The following ZBTB45 variants were observed in gnomAD, a reference collection of about 807,000 sequenced individuals.
ZBTB45 encodes zinc finger and BTB domain containing 45, also known as zinc finger and BTB domain-containing protein 45.
A neutral mutation model predicts 28.4 loss-of-function variants in ZBTB45; 22 were observed. The observed-to-expected ratio is 0.77, with a 90% CI of 0.55 to 1.10. The LOEUF (loss-of-function observed/expected upper bound fraction) is 1.10. ZBTB45 is among the 50% of genes least tolerant of loss of function. The pLI is 0.00. For missense variants in ZBTB45, 656 were observed against 750.2 expected (o/e 0.87, Z 1.47); for synonymous variants, 361 against 332.3 (o/e 1.09, Z -0.94).
chr19:58,517,952 T>G (rs1331303721), intron 1 of ZBTB45, among the ~76,000 whole-genome samples: 1 of 151,478 alleles, frequency 6.6e-6, no homozygotes, highest in Non-Finnish European at 1.5e-5. Context: ...GGTGTTGGCC[T>G]CAATCACTGC....
In ZBTB45 at chr19:58,517,619, G is replaced by T; in HGVS notation, c.55C>A (p.Leu19Met). Residue 19 changes from leucine to methionine, a missense_variant, in exon 2 of 3, where the codon CTG becomes ATG. This residue lies in a region of ZBTB45 where 105 missense variants were observed against 152.4 expected (regional missense o/e 0.69). Coordinates refer to ENST00000594051, the MANE Select transcript of ZBTB45 (RefSeq NM_001316979.2). ...CTCTGCCCATTGAGGGTCTCAAGCA[G>T]AGAGCGTGAGAAGTTCTGCAGGTGT... ...HIHLQNFSRSLLETLNGQRLG... is the reference protein window; with the variant it reads ...HIHLQNFSRSMLETLNGQRLG... 6.2e-7 allele frequency: 1 copy of T among 1,613,942 alleles called. No homozygotes were observed. Among genetic ancestry groups the T allele is most frequent in the Non-Finnish European group, 8.5e-7 (1 of 1,179,964 alleles).
chr19:58,530,847 C>G (rs1218274268), intron 1 of ZBTB45, among the ~76,000 whole-genome samples: 3 of 152,016 alleles, frequency 2.0e-5, no homozygotes, highest in Non-Finnish European at 4.4e-5. Flanking sequence ...CCACGCCTGG[C>G]TAATTTTTTG....
Position 58,514,387 on chromosome 19 carries a change from T to C in ZBTB45, c.1280-77A>G, listed in dbSNP as rs1404133402. ...GCCCCCACCCCACCCCACCCCCACC[T>C]GGGCTCCTGGACCTAGCAGGGGCTC... is the stretch of plus-strand genomic sequence containing the variant. On this transcript the variant is annotated intron_variant, in intron 2 of 2. Coordinates refer to ENST00000594051, the MANE Select transcript of ZBTB45 (RefSeq NM_001316979.2). The C allele has an allele frequency of 8.0e-5, 68 of 849,544 alleles. No individual in the cohort carries two copies. In the East Asian group the frequency reaches 2.5e-3, roughly 31 times the overall value. 52.6% of individuals were successfully genotyped at this position (849,544 alleles called of 1,614,324 possible).
At chr19:58,531,546 A>G (rs892291462) in intron 1 of ZBTB45, among the ~76,000 whole-genome samples, 1 of 152,186 alleles carries the variant, frequency 6.6e-6, no homozygotes, top group Non-Finnish European at 1.5e-5. Flanking sequence ...AAATTCTAGC[A>G]TCTAATTATC....
intron 1 of ZBTB45, among the ~76,000 whole-genome samples, chr19:58,537,004 G>A (rs1189336378): frequency 6.6e-6 from 1 of 152,146 alleles, no homozygotes; most frequent in Non-Finnish European, 1.5e-5. Context: ...TGACTGCTCT[G>A]CCGGGCCACC....
At chr19:58,525,112 C>T (rs144073332) in intron 1 of ZBTB45, among the ~76,000 whole-genome samples, 328 of 152,246 alleles carry the variant, frequency 2.2e-3, no homozygotes, top group Middle Eastern at 0.014. Context: ...CAGAACCTCT[C>T]GGCTGTGCCT....
At chr19:58,521,566 T>C (rs1233117739), upstream of ZBTB45, among the ~76,000 whole-genome samples, 1 of 152,070 alleles carries the variant, frequency 6.6e-6, no homozygotes, top group Non-Finnish European at 1.5e-5. Flanking sequence ...GCTTCTGACC[T>C]ATGGAATGGT....
rs1329895379 is a variant in ZBTB45 at position 58,517,530 on chromosome 19, G to C, written c.144C>G (p.Arg48=). 4.3e-6 allele frequency: 7 copies of C among 1,613,460 alleles called. No individual in the cohort carries two copies. Among genetic ancestry groups the C allele is most frequent in the Non-Finnish European group, 5.9e-6 (7 of 1,179,984 alleles). The change falls in exon 2 of 3, where the codon CGC becomes CGG. Residue 48 remains arginine, a synonymous_variant. Coordinates refer to ENST00000594051, the MANE Select transcript of ZBTB45 (RefSeq NM_001316979.2). ...RIREASLRAH[R]CVLAAGSPFF... is the part of the protein sequence containing the mutation. Reference sequence around the variant, plus strand: ...AGGGTGAGCCGGCCGCCAGCACGCAGCGGTGGGCACGCAGCGAAGCTTCAC... The same window carrying C: ...AGGGTGAGCCGGCCGCCAGCACGCACCGGTGGGCACGCAGCGAAGCTTCAC...
upstream of ZBTB45, among the ~76,000 whole-genome samples, chr19:58,521,366 C>CAAAAAAAA (rs1180915172): frequency 5.3e-5 from 5 of 93,784 alleles, no homozygotes; most frequent in Non-Finnish European, 6.2e-5. Flanking sequence ...CACTCAGTCT[C>CAAAAAAAA]AAAAAAAAAA....
In ZBTB45 at chr19:58,517,350, C is replaced by T. The variant is rs750611018; in HGVS notation, c.324G>A (p.Val108=). The change falls in exon 2 of 3, where the codon GTG becomes GTA. Residue 108 remains valine, a synonymous_variant. Transcript: ENST00000594051. ...CGTCGATAACTGTCTGTATGCGAAG[C>T]ACTGACGCGGCCGTGAGCACCTGCA... ...EALQVLTAAS[V]LRIQTVIDEC... 4 of 1,611,976 alleles carry T rather than the reference C, an allele frequency of 2.5e-6. No homozygotes were observed. Among genetic ancestry groups the T allele is most frequent in the East Asian group, 2.2e-5 (1 of 44,878 alleles).
Position 58,514,201 on chromosome 19 carries a change from G to A in ZBTB45, c.1389C>T (p.Val463=). ...TCTTCTGCGTGAAGCGCTTGGCGCA[G>A]ACGGCGCACTGGAAGGCGCGCACGC... ...HTGVRAFQCA[V]CAKRFTQKSS... is the part of the protein sequence containing the mutation. Residue 463 remains valine (V), a synonymous_variant, in exon 3 of 3, where the codon GTC becomes GTT. Coordinates refer to ENST00000594051, the MANE Select transcript of ZBTB45 (RefSeq NM_001316979.2). 6.2e-7 allele frequency: 1 copy of A among 1,612,724 alleles called. No homozygotes were observed. The highest frequency in any genetic ancestry group is 2.2e-5 in the East Asian group (1 of 44,870).
intron 2 of ZBTB45, among the ~76,000 whole-genome samples, chr19:58,514,665 T>C (rs1053568802): frequency 1.3e-5 from 2 of 152,086 alleles, no homozygotes; most frequent in African/African-American, 4.8e-5. Flanking sequence ...GCAAGCACCC[T>C]GTCTGCAAGG....
upstream of ZBTB45, among the ~76,000 whole-genome samples, chr19:58,524,799 C>T (rs922421287): frequency 2.6e-5 from 4 of 151,134 alleles, no homozygotes; most frequent in Non-Finnish European, 4.4e-5. Flanking sequence ...AGGAGAATGG[C>T]GTGAACCTGG....
At position 58,514,251 on chromosome 19, in the gene ZBTB45, G is replaced by A; in HGVS notation, c.1339C>T (p.Leu447Phe). ...CCGGTGTGCGTGACCATGTGTTTGA[G>A]CAGGTAGTCGCGTAGAGAGAAGGAT... is the stretch of plus-strand genomic sequence containing the variant. ...WRSFSLRDYL[L>F]KHMVTHTGVR... Residue 447 changes from leucine to phenylalanine, a missense_variant, in exon 3 of 3, where the codon CTC becomes TTC. Physicochemically the swap from Leu to Phe is conservative, Grantham distance 22. Transcript: ENST00000594051. The A allele has an allele frequency of 6.2e-7, 1 of 1,611,986 alleles. No individual in the cohort carries two copies. Among genetic ancestry groups the A allele is most frequent in the Non-Finnish European group, 8.5e-7 (1 of 1,179,234 alleles).
Position 58,516,316 on chromosome 19 carries a change from TG to T in ZBTB45, c.1279+78del, listed in dbSNP as rs938995591. ...AAGTAACAGAACAGTGCCAGTGCCC[TG>T]TAACTAGTGCTCAATTCCCCCTCAG... is the stretch of plus-strand genomic sequence containing the variant. On this transcript the variant is annotated intron_variant, in intron 2 of 2. Transcript: ENST00000594051. This position sits in a 1 kb window ranked among gnomAD's most constrained non-coding sequence, Gnocchi z 6.2. The T allele has an allele frequency of 2.8e-5, 43 of 1,556,918 alleles. No homozygotes were observed. Among genetic ancestry groups the T allele is most frequent in the Admixed American group, 7.1e-5 (4 of 56,346 alleles).
At position 58,516,659 on chromosome 19, in the gene ZBTB45, G is replaced by A. The variant is rs757753001; in HGVS notation, c.1015C>T (p.Pro339Ser). Reference sequence around the variant, plus strand: ...GAAGGGGGTGGTGCGGGTGGCCCAGGGGCACCCAAGTGAAAGGGGAAGAGT... The same window carrying A: ...GAAGGGGGTGGTGCGGGTGGCCCAGAGGCACCCAAGTGAAAGGGGAAGAGT... ...VALFPFHLGA[P>S]GPPAPPPSAP... The change falls in exon 2 of 3, where the codon CCT becomes TCT. Residue 339 changes from proline (P) to serine (S), a missense_variant. Coordinates refer to ENST00000594051, the MANE Select transcript of ZBTB45 (RefSeq NM_001316979.2). This position sits in a 1 kb window ranked among gnomAD's most constrained non-coding sequence, Gnocchi z 6.2. 3.2e-6 allele frequency: 5 copies of A among 1,564,404 alleles called. No individual in the cohort carries two copies. The highest frequency in any genetic ancestry group is 2.2e-5 in the East Asian group (1 of 44,468).
intron 1 of ZBTB45, among the ~76,000 whole-genome samples, chr19:58,518,549 G>A (rs549658605): frequency 4.7e-4 from 72 of 152,198 alleles, no homozygotes; most frequent in Non-Finnish European, 9.3e-4. Flanking sequence ...TTGAGCAGGG[G>A]TGTGTGACTG....
At position 58,514,063 on chromosome 19, in the gene ZBTB45, A is replaced by G; in HGVS notation, c.1527T>C (p.Pro509=). Residue 509 remains proline (P), a synonymous_variant, in exon 3 of 3, where the codon CCT becomes CCC. Transcript: ENST00000594051. ...CCAGGCCCCAGCGCCATCAGGGCGCAGGGTGCGCCGCCAGGTGGCGCTCCA... is the reference window on the plus strand; with the variant it reads ...CCAGGCCCCAGCGCCATCAGGGCGCGGGGTGCGCCGCCAGGTGGCGCTCCA... ...ALLERHLAAH[P]AP 1.3e-6 allele frequency: 2 copies of G among 1,487,960 alleles called. No homozygotes were observed. Among genetic ancestry groups the G allele is most frequent in the East Asian group, 2.5e-5 (1 of 40,006 alleles). 92.2% of individuals were successfully genotyped at this position (1,487,960 alleles called of 1,614,324 possible).
intron 1 of ZBTB45, among the ~76,000 whole-genome samples, chr19:58,530,507 T>C (rs1038055787): frequency 2.6e-5 from 4 of 151,674 alleles, no homozygotes; most frequent in African/African-American, 7.3e-5. Context: ...GGTTTCTCCA[T>C]GTTGGCCAGG....
Sources: gnomAD v4.1 joint callset for allele counts (sites outside exome capture counted in the v4.1 genomes callset) on GRCh38, gnomAD v4.1.1 for gene constraint, gnomAD v4.1.1 regional missense constraint, Gnocchi (gnomAD v3.1) non-coding constraint, MANE v1.5 for transcripts, NCBI Gene and HGNC (gene_info 2026-07-23, HGNC 2026-07-21) for gene names.